BIRC2: variants seen among roughly 807,000 people sequenced by gnomAD.
BIRC2 encodes the protein baculoviral IAP repeat-containing protein 2.
A neutral mutation model predicts 60.9 loss-of-function variants in BIRC2; 18 were observed. The observed-to-expected ratio is 0.30, with a 90% CI of 0.20 to 0.44. BIRC2 has a LOEUF of 0.44. Ranked by LOEUF, BIRC2 falls within the 20% of genes least tolerant of loss-of-function variation. BIRC2 has a pLI of 1.00. For missense variants in BIRC2, 701 were observed against 728.5 expected (o/e 0.96, Z 0.43); for synonymous variants, 282 against 247.7 (o/e 1.14, Z -1.30).
Position 102,378,209 on chromosome 11 carries a change from G to A in BIRC2, c.*26G>A. On this transcript the variant is annotated 3_prime_UTR_variant, in exon 9 of 9. Coordinates refer to ENST00000227758, the MANE Select transcript of BIRC2 (RefSeq NM_001166.5). ...AGAAAAATAGTCTATATTTTAACCT[G>A]CATAAAAAGGTCTTTAAAATATTGT... The A allele has an allele frequency of 6.7e-7, 1 of 1,501,750 alleles. No individual in the cohort carries two copies. The highest frequency in any genetic ancestry group is 8.9e-7 in the Non-Finnish European group (1 of 1,121,370). 93.0% of individuals were successfully genotyped at this position (1,501,750 alleles called of 1,614,324 possible).
chr11:102,376,862 G>C (rs982826220), intron 6 of BIRC2, among the ~76,000 whole-genome samples: 1 of 152,154 alleles, frequency 6.6e-6, no homozygotes, highest in Non-Finnish European at 1.5e-5. Context: ...GGAAACTGAG[G>C]TGTATGGGGA....
At chr11:102,361,938 G>A (rs987097733) in intron 3 of BIRC2, among the ~76,000 whole-genome samples, 1 of 150,986 alleles carries the variant, frequency 6.6e-6, no homozygotes, top group Admixed American at 6.6e-5. Flanking sequence ...TGTTTTTTGT[G>A]GGTGGAAGAA....
rs1351743517 is a variant in BIRC2 at position 102,364,172 on chromosome 11, T to TATATATATATATATATATACAC, written c.1123+459_1123+460insTATATATATATATATACACATA. ...ATATATATATATATATATATATATA[T>TATATATATATATATATATACAC]ATACACACACACACAGAGAGAGAGA... On this transcript the variant is annotated intron_variant, in intron 5 of 8. Transcript: ENST00000227758. 5.6e-5 allele frequency among the ~76,000 whole-genome samples: 5 copies of TATATATATATATATATATACAC among 89,728 alleles called. No individual in the cohort carries two copies. The East Asian group carries it at 1.4e-3, about 26-fold the overall frequency. 58.9% of individuals were successfully genotyped at this position (89,728 alleles called of 152,430 possible). A position where few individuals can be genotyped will look rare whatever the true frequency, so the allele number is the denominator to read the frequency against.
chr11:102,367,921 C>A (rs368679932), intron 5 of BIRC2, among the ~76,000 whole-genome samples: 3 of 152,212 alleles, frequency 2.0e-5, no homozygotes, highest in Admixed American at 6.5e-5. Flanking sequence ...GATTTCCCCC[C>A]ACTTTCCTGG....
At chr11:102,360,246 G>A (rs1951471072) in intron 3 of BIRC2, among the ~76,000 whole-genome samples, 1 of 152,120 alleles carries the variant, frequency 6.6e-6, no homozygotes, top group Non-Finnish European at 1.5e-5. Context: ...GATTACAGGT[G>A]TGAGCCATCG....
Position 102,356,680 on chromosome 11 carries a change from AT to A in BIRC2, c.995+5753del, listed in dbSNP as rs759616402. 1.0e-2 allele frequency among the ~76,000 whole-genome samples: 1,342 copies of A among 134,556 alleles called. 19 individuals are homozygous for A. The highest frequency in any genetic ancestry group is 0.03 in the African/African-American group (1,121 of 36,800). The allele number at this position is 134,556 out of a possible 152,430, so 88.3% of individuals were successfully genotyped here. A position where few individuals can be genotyped will look rare whatever the true frequency, so the allele number is the denominator to read the frequency against. On this transcript the variant is annotated intron_variant, in intron 3 of 8. Coordinates refer to ENST00000227758, the MANE Select transcript of BIRC2 (RefSeq NM_001166.5). ...GTTTATATTATTATTATTATTATTA[AT>A]TTTTTTTTTTTTTTTGAGATGGAGT...
chr11:102,350,390 A>G lies in BIRC2; in HGVS notation c.536A>G (p.Tyr179Cys). 1.2e-6 allele frequency: 2 copies of G among 1,614,226 alleles called. No individual in the cohort carries two copies. Reference sequence around the variant, plus strand: ...TCATCGAGGACTAACCCCTACAGTTATGCAATGAGTACTGAAGAAGCCAGA... The same window carrying G: ...TCATCGAGGACTAACCCCTACAGTTGTGCAATGAGTACTGAAGAAGCCAGA... ...ISSSRTNPYS[Y>C]AMSTEEARFL... Residue 179 changes from tyrosine to cysteine, a missense_variant, in exon 2 of 9, where the codon TAT becomes TGT. Physicochemically the swap from Tyr to Cys is radical, Grantham distance 194 (BLOSUM62 -2). Coordinates refer to ENST00000227758, the MANE Select transcript of BIRC2 (RefSeq NM_001166.5).
At chr11:102,366,475 T>A (rs1951554151) in intron 5 of BIRC2, among the ~76,000 whole-genome samples, 1 of 152,006 alleles carries the variant, frequency 6.6e-6, no homozygotes, top group Admixed American at 6.6e-5. Context: ...CACGCCATTC[T>A]CTTGCCTCAG....
intron 6 of BIRC2, among the ~76,000 whole-genome samples, chr11:102,371,563 T>G (rs1172132636): frequency 2.7e-5 from 4 of 146,726 alleles, no homozygotes; most frequent in African/African-American, 7.7e-5. Context: ...GCTGGATTCG[T>G]TTTGCCAGTA....
Position 102,377,877 on chromosome 11 carries a change from A to C in BIRC2, c.1642A>C (p.Ile548Leu), listed in dbSNP as rs199866845. ...CTCAGTGGATAAGAATATGAAGTAT[A>C]TTCCAACAGAAGATGTTTCAGGTAA... ...NLFVDKNMKY[I>L]PTEDVSGLSL... The change falls in exon 8 of 9, where the codon ATT becomes CTT. Residue 548 changes from isoleucine to leucine, a missense_variant. Transcript: ENST00000227758. 1.9e-6 allele frequency: 3 copies of C among 1,611,294 alleles called. No homozygotes were observed. Among genetic ancestry groups the C allele is most frequent in the Admixed American group, 3.4e-5 (2 of 59,448 alleles).
chr11:102,352,580 T>C (rs1951376390), intron 3 of BIRC2, among the ~76,000 whole-genome samples: 1 of 152,088 alleles, frequency 6.6e-6, no homozygotes, highest in African/African-American at 2.4e-5. Context: ...CTGGTTAATT[T>C]TTTTGTATTT....
At chr11:102,374,467 A>T (rs1458722547) in intron 6 of BIRC2, among the ~76,000 whole-genome samples, 1 of 149,222 alleles carries the variant, frequency 6.7e-6, no homozygotes, top group Non-Finnish European at 1.5e-5. Flanking sequence ...GGTGCCTCCC[A>T]GTTAGGCTGC....
At chr11:102,366,348 C>T (rs553263148) in intron 5 of BIRC2, among the ~76,000 whole-genome samples, 1 of 151,564 alleles carries the variant, frequency 6.6e-6, no homozygotes, top group South Asian at 2.1e-4. Context: ...CCAAATCTGA[C>T]TACATCTCAC....
intron 3 of BIRC2, among the ~76,000 whole-genome samples, chr11:102,354,191 T>C (rs1342823076): frequency 2.0e-5 from 3 of 152,212 alleles, no homozygotes. Flanking sequence ...TCATTCATGT[T>C]GCAGATGGTA....
At chr11:102,362,242 G>A (rs913169284) in intron 3 of BIRC2, among the ~76,000 whole-genome samples, 1 of 152,002 alleles carries the variant, frequency 6.6e-6, no homozygotes, top group African/African-American at 2.4e-5. Context: ...TATGGGCATA[G>A]GTCAGTGTTC....
chr11:102,350,769 A>G lies in BIRC2; in HGVS notation c.895+20A>G, dbSNP rs773133772. On this transcript the variant is annotated intron_variant, in intron 2 of 8. Coordinates refer to ENST00000227758, the MANE Select transcript of BIRC2 (RefSeq NM_001166.5). The stretch of plus-strand genomic sequence containing the variant: ...ATGTGGGTAAGAAGCAAATAACTAT[A>G]CATTTTATCATTTTATTTTAATTTA... The G allele has an allele frequency of 2.5e-6, 4 of 1,603,142 alleles. No individual in the cohort carries two copies. The African/African-American group carries it at 4.0e-5, about 16-fold the overall frequency.
chr11:102,368,734 G>A lies in BIRC2; in HGVS notation c.1366+186G>A, dbSNP rs546586372. 6.6e-5 allele frequency among the ~76,000 whole-genome samples: 10 copies of A among 152,026 alleles called. No individual in the cohort carries two copies. In the East Asian group the frequency reaches 1.9e-3, roughly 29 times the overall value. ...TTCTAGTTGAGAACCATTGACTGCC[G>A]CTTTTTTCTATACATTTATTTTCGG... On this transcript the variant is annotated intron_variant, in intron 6 of 8. Coordinates refer to ENST00000227758, the MANE Select transcript of BIRC2 (RefSeq NM_001166.5).
At chr11:102,363,793 A>C (rs1951512414) in intron 5 of BIRC2, 77 bp downstream of exon 5, 1 of 1,172,346 alleles carries the variant, frequency 8.5e-7, no homozygotes, top group Non-Finnish European at 1.2e-6. Flanking sequence ...GCAGTGGCTC[A>C]TGCCTGTAAT....
chr11:102,375,624 C>CA (rs1951702841), intron 6 of BIRC2, among the ~76,000 whole-genome samples: 1 of 151,858 alleles, frequency 6.6e-6, no homozygotes, highest in South Asian at 2.1e-4. Context: ...ACTAAAAATA[C>CA]AAAAAATTAG....
Sources: allele counts gnomAD v4.1 joint callset (sites outside exome capture counted in the v4.1 genomes callset), GRCh38; gene constraint gnomAD v4.1.1; transcripts MANE v1.5; gene names NCBI Gene and HGNC (gene_info 2026-07-23, HGNC 2026-07-21).